PCDHA12: variants seen among roughly 807,000 people sequenced by gnomAD.
The protein encoded by PCDHA12 is protocadherin alpha-12.
A neutral mutation model predicts 60.0 loss-of-function variants in PCDHA12; 44 were observed. The observed-to-expected ratio is 0.73, with a 90% CI of 0.58 to 0.94. The LOEUF (loss-of-function observed/expected upper bound fraction) is 0.94, where lower values mean the gene tolerates loss of function less well. PCDHA12 is among the 40% of genes least tolerant of loss of function. The probability of loss-of-function intolerance (pLI) is 0.00; values close to 1 mark genes in which losing one functional copy is unlikely to be tolerated. For missense variants in PCDHA12, 1,276 were observed against 1,239.7 expected (o/e 1.03, Z -0.44); for synonymous variants, 569 against 553.0 (o/e 1.03, Z -0.40).
intron 1 of PCDHA12, among the ~76,000 whole-genome samples, chr5:140,975,269 T>A (rs1348655604): frequency 1.3e-5 from 2 of 152,252 alleles, no homozygotes; most frequent in African/African-American, 4.8e-5. Context: ...CTGATTTCTG[T>A]CTCTGACCTC....
intron 1 of PCDHA12, among the ~76,000 whole-genome samples, chr5:140,906,526 CAATT>C (rs1554192570): frequency 6.6e-6 from 1 of 152,190 alleles, no homozygotes; most frequent in Non-Finnish European, 1.5e-5. Context: ...ATACTCACGA[CAATT>C]AAAATCCTCA....
intron 3 of PCDHA12, among the ~76,000 whole-genome samples, chr5:141,005,089 A>C (rs1554259886): frequency 6.6e-6 from 1 of 152,244 alleles, no homozygotes; most frequent in Non-Finnish European, 1.5e-5. Context: ...TTAGTACTTT[A>C]CATGCATTAC....
intron 1 of PCDHA12, chr5:140,881,249 A>G (rs1582554645): frequency 2.3e-6 from 1 of 434,858 alleles, no homozygotes; most frequent in Non-Finnish European, 3.1e-6. Context: ...AATGACGGCA[A>G]GGTTTTACTC....
In PCDHA12 at chr5:140,884,002, C is replaced by G. The variant is rs1189374158; in HGVS notation, c.2367+6163C>G. 26 of 1,612,788 alleles carry G rather than the reference C, an allele frequency of 1.6e-5. No individual in the cohort carries two copies. Among genetic ancestry groups the G allele is most frequent in the Non-Finnish European group, 2.2e-5 (26 of 1,179,570 alleles). Reference sequence around the variant, plus strand: ...CTGGCAGCGCGGGAGGCACAGTGAGCGAGCTGATGCCGCGGTCGGTGGGTG... The same window carrying G: ...CTGGCAGCGCGGGAGGCACAGTGAGGGAGCTGATGCCGCGGTCGGTGGGTG... On this transcript the variant is annotated intron_variant, in intron 1 of 3. Coordinates refer to ENST00000398631, the MANE Select transcript of PCDHA12 (RefSeq NM_018903.4).
At chr5:140,903,625 A>T (rs2153481028) in intron 1 of PCDHA12, among the ~76,000 whole-genome samples, 1 of 152,362 alleles carries the variant, frequency 6.6e-6, no homozygotes, top group East Asian at 1.9e-4. Context: ...GTGCATGCAT[A>T]TGTATGCATA....
At chr5:140,938,535 T>C (rs1213072173) in intron 1 of PCDHA12, among the ~76,000 whole-genome samples, 2 of 140,516 alleles carry the variant, frequency 1.4e-5, no homozygotes, top group African/African-American at 2.6e-5. Flanking sequence ...ATGGATAATA[T>C]GGATTTTTAT....
At chr5:140,882,511 T>C (rs782672669) in intron 1 of PCDHA12, 2 of 1,614,128 alleles carry the variant, frequency 1.2e-6, no homozygotes, top group Admixed American at 3.3e-5. Flanking sequence ...ATCTGCAGAA[T>C]GGCATTTTGT....
intron 1 of PCDHA12, among the ~76,000 whole-genome samples, chr5:140,897,728 A>G (rs1554187548): frequency 6.6e-6 from 1 of 152,092 alleles, no homozygotes; most frequent in Non-Finnish European, 1.5e-5. Flanking sequence ...TGGGTCAAAT[A>G]GTATTTCTAG....
intron 1 of PCDHA12, among the ~76,000 whole-genome samples, chr5:140,905,373 G>C (rs556428182): frequency 3.1e-4 from 47 of 152,236 alleles, no homozygotes; most frequent in Non-Finnish European, 4.6e-4. Context: ...CTGGTTCTCT[G>C]TTCTGTTTCA....
intron 1 of PCDHA12, among the ~76,000 whole-genome samples, chr5:140,934,320 T>C (rs910163789): frequency 6.6e-6 from 1 of 152,154 alleles, no homozygotes; most frequent in Non-Finnish European, 1.5e-5. Flanking sequence ...AAATGTCCAA[T>C]CATGAATGTA....
chr5:140,898,035 TG>T (rs1376690690), intron 1 of PCDHA12, among the ~76,000 whole-genome samples: 1 of 152,120 alleles, frequency 6.6e-6, no homozygotes, highest in Non-Finnish European at 1.5e-5. Flanking sequence ...TTGATGGGGT[TG>T]TTTGTTTTTT....
chr5:140,877,256 G>C lies in PCDHA12; in HGVS notation c.1784G>C (p.Arg595Pro), dbSNP rs782364296. 2.5e-6 allele frequency: 4 copies of C among 1,613,628 alleles called. No homozygotes were observed. In the African/African-American group the frequency reaches 5.3e-5, roughly 22 times the overall value. The change falls in exon 1 of 4, where the codon CGC becomes CCC. Residue 595 changes from arginine to proline, a missense_variant. Physicochemically the swap from Arg to Pro is moderately radical, Grantham distance 103. Transcript: ENST00000398631. Reference sequence around the variant, plus strand: ...GCGGGCCACGTGGTGGCGAAAGTGCGCGCGGTGGACGCTGACTCCGGCTAT... The same window carrying C: ...GCGGGCCACGTGGTGGCGAAAGTGCCCGCGGTGGACGCTGACTCCGGCTAT... ...VGAGHVVAKV[R>P]AVDADSGYNA...
chr5:140,958,867 T>A (rs1312043891), intron 1 of PCDHA12, among the ~76,000 whole-genome samples: 1 of 152,146 alleles, frequency 6.6e-6, no homozygotes, highest in Admixed American at 6.5e-5. Context: ...ACTGGGTTTA[T>A]AAAAGAATTG....
rs782406571 is a variant in PCDHA12 at position 140,876,145 on chromosome 5, T to C, written c.673T>C (p.Ser225Pro). 1.9e-6 allele frequency: 3 copies of C among 1,613,788 alleles called. No homozygotes were observed. The East Asian group carries it at 6.7e-5, about 36-fold the overall frequency. ...TGGCGGTAAACCAGAACTAACAGGG[T>C]CTGTCCAGATTCAAATAACCGTCCT... The part of the protein sequence containing the change: ...IDGGKPELTG[S>P]VQIQITVLDV... Residue 225 changes from serine to proline, a missense_variant, in exon 1 of 4, where the codon TCT (serine) becomes CCT (proline). Coordinates refer to ENST00000398631, the MANE Select transcript of PCDHA12 (RefSeq NM_018903.4).
intron 1 of PCDHA12, among the ~76,000 whole-genome samples, chr5:140,938,135 A>T (rs926775458): frequency 1.3e-5 from 2 of 152,198 alleles, no homozygotes; most frequent in Non-Finnish European, 2.9e-5. Flanking sequence ...AAATAGAGAT[A>T]GAGTCTCACT....
chr5:141,008,470 C>T (rs2098378498), intron 3 of PCDHA12, among the ~76,000 whole-genome samples: 1 of 152,156 alleles, frequency 6.6e-6, no homozygotes, highest in Non-Finnish European at 1.5e-5. Context: ...GCTCTGACTT[C>T]TACTCTTCTA....
intron 1 of PCDHA12, among the ~76,000 whole-genome samples, chr5:140,916,438 A>G (rs975528805): frequency 4.6e-5 from 7 of 152,234 alleles, no homozygotes; most frequent in Admixed American, 4.6e-4. Flanking sequence ...TAAGGCCCAC[A>G]GTATACTACC....
At chr5:140,885,349 AG>A (rs2060568168) in intron 1 of PCDHA12, among the ~76,000 whole-genome samples, 1 of 152,206 alleles carries the variant, frequency 6.6e-6, no homozygotes, top group African/African-American at 2.4e-5. Context: ...GATTTCCAAA[AG>A]GTACTGGTGA....
At chr5:140,897,874 T>C (rs541496059) in intron 1 of PCDHA12, among the ~76,000 whole-genome samples, 2,161 of 152,206 alleles carry the variant, frequency 0.014, 44 homozygotes, top group African/African-American at 0.049. Context: ...TTTTAATGAT[T>C]GCCATTCTAA....
Sources: gnomAD v4.1 joint callset for allele counts (sites outside exome capture counted in the v4.1 genomes callset) on GRCh38, gnomAD v4.1.1 for gene constraint, MANE v1.5 for transcripts, NCBI Gene and HGNC (gene_info 2026-07-23, HGNC 2026-07-21) for gene names.